RAD17: variants seen among roughly 807,000 people sequenced by gnomAD.
RAD17 encodes cell cycle checkpoint protein RAD17.
Under a neutral mutation model 81.5 loss-of-function variants are expected in RAD17, and 31 were observed. The ratio of observed to expected loss-of-function variants is 0.38; its 90% CI spans 0.29 to 0.51. The LOEUF is 0.51. RAD17 is among the 20% of genes least tolerant of loss of function. The pLI is 0.88. For synonymous variants in RAD17, 261 were observed against 266.2 expected (o/e 0.98, Z 0.19); for missense variants, 681 against 781.2 (o/e 0.87, Z 1.53).
intron 17 of RAD17, among the ~76,000 whole-genome samples, chr5:69,403,382 G>T (rs1765391815): frequency 6.6e-6 from 1 of 151,836 alleles, no homozygotes; most frequent in Non-Finnish European, 1.5e-5. Context: ...TATTTTTTTG[G>T]CAGAAATACC....
rs778257403 is a variant in RAD17 at position 69,414,139 on chromosome 5, A to T, written c.1860A>T (p.Glu620Asp). The T allele has an allele frequency of 6.2e-7, 1 of 1,613,952 alleles. No individual in the cohort carries two copies. The highest frequency in any genetic ancestry group is 1.3e-5 in the African/African-American group (1 of 74,922). ...ATTCTGCAGAGGAATCTCTGGGTGA[A>T]CCCACTCAAGCCACTGTGCCGGAAA... is the stretch of plus-strand genomic sequence containing the variant. ...GGHSAEESLG[E>D]PTQATVPETW... The change falls in exon 19 of 19, where the codon GAA (glutamate) becomes GAT (aspartate). Residue 620 changes from glutamate to aspartate, a missense_variant. Coordinates refer to ENST00000354868, the MANE Select transcript of RAD17 (RefSeq NM_133338.3).
At position 69,373,812 on chromosome 5, in the gene RAD17, G is replaced by T; in HGVS notation, c.10-18G>T. 6.6e-7 allele frequency: 1 copy of T among 1,524,076 alleles called. No individual in the cohort carries two copies. Among genetic ancestry groups the T allele is most frequent in the Non-Finnish European group, 8.9e-7 (1 of 1,128,190 alleles). 94.4% of individuals were successfully genotyped at this position (1,524,076 alleles called of 1,614,324 possible). The stretch of plus-strand genomic sequence containing the variant: ...GGAGAAAATGTGATTATATTTACAT[G>T]ATTTCTTTTTTTTTCAGGTAACAGA... On this transcript the variant is annotated intron_variant, in intron 4 of 18. Coordinates refer to ENST00000354868, the MANE Select transcript of RAD17 (RefSeq NM_133338.3).
upstream of RAD17, chr5:69,369,460 G>A (rs780634017): frequency 6.2e-7 from 1 of 1,610,328 alleles, no homozygotes; most frequent in Admixed American, 1.7e-5. Flanking sequence ...CGCGCGCCCT[G>A]ACCGGTGAGC....
rs779620334 is a variant in RAD17 at position 69,410,518 on chromosome 5, T to C, written c.1719T>C (p.Ile573=). The part of the protein sequence containing the change: ...NQAQISFIQD[I]GRLPLKRHFG... Reference sequence around the variant, plus strand: ...CTCAGATTTCTTTTATCCAAGATATTGGAAGGCTCCCTCTGAAGCGACACT... The same window carrying C: ...CTCAGATTTCTTTTATCCAAGATATCGGAAGGCTCCCTCTGAAGCGACACT... The change falls in exon 18 of 19, where the codon ATT becomes ATC. Residue 573 remains isoleucine, a synonymous_variant. Transcript: ENST00000354868. 1 of 1,613,362 alleles carries C rather than the reference T, an allele frequency of 6.2e-7. No individual in the cohort carries two copies. The highest frequency in any genetic ancestry group is 8.5e-7 in the Non-Finnish European group (1 of 1,179,572).
At chr5:69,371,192 GTTTT>G (rs763331085) in intron 2 of RAD17, 21 bp downstream of exon 2, 1 of 498,148 alleles carries the variant, frequency 2.0e-6, no homozygotes, top group East Asian at 4.9e-5. Context: ...AGTATGTGTG[GTTTT>G]TTTGTTTTTT....
chr5:69,393,130 T>G, intron 13 of RAD17, 25 bp from the exon 14 acceptor site: 1 of 1,505,316 alleles, frequency 6.6e-7, no homozygotes, highest in Non-Finnish European at 9.2e-7. Context: ...GTATTATCTT[T>G]AATAATTCCA....
At chr5:69,394,168 C>T (rs1764729623) in intron 15 of RAD17, among the ~76,000 whole-genome samples, 1 of 149,836 alleles carries the variant, frequency 6.7e-6, no homozygotes, top group Non-Finnish European at 1.5e-5. Flanking sequence ...GATCCTCCAA[C>T]CTCAGGCACT....
chr5:69,373,772 T>C (rs755916256), intron 4 of RAD17, 58 bp from the exon 5 acceptor site: 12 of 1,406,694 alleles, frequency 8.5e-6, no homozygotes, highest in Non-Finnish European at 1.1e-5. Flanking sequence ...GTTCAGTTAT[T>C]TGGGGGAATA....
At chr5:69,409,340 C>CA (rs1252991512) in intron 17 of RAD17, among the ~76,000 whole-genome samples, 1 of 152,062 alleles carries the variant, frequency 6.6e-6, no homozygotes, top group African/African-American at 2.4e-5. Flanking sequence ...AAGGAAGCCC[C>CA]AAACACCCTG....
Position 69,412,881 on chromosome 5 carries a change from C to G in RAD17, c.1752-1150C>G, listed in dbSNP as rs762192007. Among the ~76,000 whole-genome samples, 40 of 151,342 alleles carry G rather than the reference C, an allele frequency of 2.6e-4. 1 individual carries two copies. The highest frequency in any genetic ancestry group is 2.0e-4 in the Admixed American group (3 of 15,144). ...GTGCCCGCGTGTAATCCCTGCTACT[C>G]CAGAGGCTGAGACAGGAGAATCGCT... On this transcript the variant is annotated intron_variant, in intron 18 of 18. Coordinates refer to ENST00000354868, the MANE Select transcript of RAD17 (RefSeq NM_133338.3).
Position 69,406,883 on chromosome 5 carries a change from AAT to A in RAD17, c.1694-3603_1694-3602del, listed in dbSNP as rs1765636301. ...CACAAAAATAATAACTCTGTGAGGT[AAT>A]ATATATGTTAATTAGCTATAGTCAT... On this transcript the variant is annotated intron_variant, in intron 17 of 18. Coordinates refer to ENST00000354868, the MANE Select transcript of RAD17 (RefSeq NM_133338.3). 1.3e-5 allele frequency among the ~76,000 whole-genome samples: 2 copies of A among 152,114 alleles called. 1 individual carries two copies. The highest frequency in any genetic ancestry group is 4.1e-4 in the South Asian group (2 of 4,830).
chr5:69,376,531 T>A (rs778780211), intron 6 of RAD17, among the ~76,000 whole-genome samples: 9 of 152,158 alleles, frequency 5.9e-5, no homozygotes, highest in Non-Finnish European at 1.3e-4. Flanking sequence ...CCAAATTGGG[T>A]AGAAGGTACA....
In RAD17 at chr5:69,369,901, T is replaced by C. The variant is rs1214160285; in HGVS notation, c.-449T>C. 7 of 589,288 alleles carry C rather than the reference T, an allele frequency of 1.2e-5. No individual in the cohort carries two copies. Among genetic ancestry groups the C allele is most frequent in the Admixed American group, 9.6e-5 (3 of 31,296 alleles). 36.5% of individuals were successfully genotyped at this position (589,288 alleles called of 1,614,324 possible). A position where few individuals can be genotyped will look rare whatever the true frequency, so the allele number is the denominator to read the frequency against. The stretch of plus-strand genomic sequence containing the variant: ...TAGGGTAGTCCCTGGTCGCCTCCGC[T>C]CTTCGCCTAAAAGGGGATGCAGCTC... On this transcript the variant is annotated 5_prime_UTR_variant, in exon 1 of 19. Coordinates refer to ENST00000354868, the MANE Select transcript of RAD17 (RefSeq NM_133338.3).
upstream of RAD17, chr5:69,369,625 C>T (rs779835685): frequency 7.6e-6 from 12 of 1,570,154 alleles, no homozygotes; most frequent in African/African-American, 8.1e-5. Flanking sequence ...CCCTAGCCTG[C>T]CCCGGCGGCC....
chr5:69,381,537 C>G (rs1763859514), intron 6 of RAD17, among the ~76,000 whole-genome samples: 1 of 151,636 alleles, frequency 6.6e-6, no homozygotes, highest in Non-Finnish European at 1.5e-5. Flanking sequence ...ATCTTTGTTT[C>G]AGACATCACC....
intron 6 of RAD17, among the ~76,000 whole-genome samples, chr5:69,375,492 A>G (rs1441119814): frequency 6.6e-6 from 1 of 151,844 alleles, no homozygotes; most frequent in Non-Finnish European, 1.5e-5. Flanking sequence ...TTATTTTGAG[A>G]TTTTTCAAGC....
At position 69,391,857 on chromosome 5, in the gene RAD17, A is replaced by G. The variant is rs922807852; in HGVS notation, c.1033A>G (p.Lys345Glu). The part of the protein sequence containing the change: ...KGENNLRPRK[K>E]GMSLKSDAVL... ...AGAAAACAACTTACGGCCAAGGAAAAAAGGAATGTCTTTAAAATCAGATGC... is the reference window on the plus strand; with the variant it reads ...AGAAAACAACTTACGGCCAAGGAAAGAAGGAATGTCTTTAAAATCAGATGC... The change falls in exon 13 of 19, where the codon AAA (lysine) becomes GAA (glutamate). Residue 345 changes from lysine (K) to glutamate (E), a missense_variant. Lys to Glu is a moderately conservative substitution (Grantham distance 56). Coordinates refer to ENST00000354868, the MANE Select transcript of RAD17 (RefSeq NM_133338.3). 1 of 1,564,368 alleles carries G rather than the reference A, an allele frequency of 6.4e-7. No homozygotes were observed. The highest frequency in any genetic ancestry group is 2.1e-5 in the Admixed American group (1 of 46,572).
intron 17 of RAD17, among the ~76,000 whole-genome samples, chr5:69,401,451 T>C (rs973772950): frequency 3.3e-5 from 5 of 152,048 alleles, no homozygotes; most frequent in Non-Finnish European, 5.9e-5. Context: ...AACCTTATGA[T>C]GGATATTTTG....
chr5:69,395,578 G>A (rs1189923491), intron 15 of RAD17, among the ~76,000 whole-genome samples: 1 of 152,012 alleles, frequency 6.6e-6, no homozygotes, highest in East Asian at 1.9e-4. Flanking sequence ...ATAAATGCTT[G>A]AGGTAATGGA....
Sources: allele counts gnomAD v4.1 joint callset (sites outside exome capture counted in the v4.1 genomes callset), GRCh38; gene constraint gnomAD v4.1.1; transcripts MANE v1.5; gene names NCBI Gene and HGNC (gene_info 2026-07-23, HGNC 2026-07-21).